The following ARFIP1 variants were observed in gnomAD, a reference collection of about 807,000 sequenced individuals.
ARFIP1 encodes the protein ARF interacting protein 1.
Under a neutral mutation model 42.5 loss-of-function variants are expected in ARFIP1, and 24 were observed. That is an observed-to-expected ratio of 0.57 (90% CI 0.41 to 0.80). The LOEUF (loss-of-function observed/expected upper bound fraction) is 0.80. ARFIP1 is among the 30% of genes least tolerant of loss of function. ARFIP1 has a pLI of 0.00. For missense variants in ARFIP1, 354 were observed against 434.0 expected, an observed-to-expected ratio of 0.82 and a Z score of 1.64; for synonymous variants, 141 against 153.7, an observed-to-expected ratio of 0.92 and a Z score of 0.61.
rs191958992 is a variant in ARFIP1, at chr4:152,823,861, C to A, written c.-9-5764C>A. Among the ~76,000 whole-genome samples, 9 of 151,260 alleles carry A rather than the reference C, an allele frequency of 6.0e-5. No homozygotes were observed. The East Asian group carries it at 1.7e-3, about 29-fold the overall frequency. The stretch of plus-strand genomic sequence containing the variant: ...AAAAACTCGAGAAGGAGGGATTGCT[C>A]CCTAACTCATCTTATGGGGCCAGTA... On this transcript the variant is annotated intron_variant, in intron 1 of 8. Transcript: ENST00000353617.
chr4:152,847,162 ACT>A (rs1270209806), intron 2 of ARFIP1, among the ~76,000 whole-genome samples: 1 of 48,864 alleles, frequency 2.0e-5, no homozygotes, highest in African/African-American at 6.8e-5. Flanking sequence ...ACAGAGTCTC[ACT>A]CTGTCGCCCC....
intron 8 of ARFIP1, among the ~76,000 whole-genome samples, chr4:152,908,667 T>A (rs978882474): frequency 2.0e-5 from 3 of 152,112 alleles, no homozygotes; most frequent in Non-Finnish European, 2.9e-5. Context: ...ATCTTTTTCT[T>A]TATAATTTAT....
chr4:152,854,885 A>G (rs1449630519), intron 2 of ARFIP1, among the ~76,000 whole-genome samples: 1 of 152,168 alleles, frequency 6.6e-6, no homozygotes, highest in African/African-American at 2.4e-5. Flanking sequence ...CCAGGGTGGT[A>G]TATGCCGGCA....
chr4:152,904,198 A>AT (rs36092561), intron 8 of ARFIP1, among the ~76,000 whole-genome samples: 11,693 of 126,326 alleles, frequency 0.093, 629 homozygotes, highest in East Asian at 0.15. Context: ...ATATATATAT[A>AT]TTTTTTTTTT....
intron 2 of ARFIP1, among the ~76,000 whole-genome samples, chr4:152,856,120 A>G (rs943910137): frequency 2.6e-5 from 4 of 152,224 alleles, no homozygotes; most frequent in African/African-American, 9.6e-5. Flanking sequence ...AGGTATCTCT[A>G]TAACTGCTTG....
intron 8 of ARFIP1, among the ~76,000 whole-genome samples, chr4:152,905,545 G>GTTTTTTATTTTTTTTTTTTTTTTT (rs1738254442): frequency 3.3e-5 from 1 of 30,372 alleles, no homozygotes; most frequent in Admixed American, 6.1e-4. Context: ...TGTAAGAATT[G>GTTTTTTATTTTTTTTTTTTTTTTT]TTTTTTTTTT....
intron 2 of ARFIP1, among the ~76,000 whole-genome samples, chr4:152,846,094 A>T (rs567866755): frequency 1.3e-5 from 2 of 152,224 alleles, no homozygotes; most frequent in Non-Finnish European, 2.9e-5. Flanking sequence ...CTGCTGAATT[A>T]ACACAGGAAC....
At chr4:152,798,218 G>A (rs1289547758) in intron 1 of ARFIP1, among the ~76,000 whole-genome samples, 9 of 151,212 alleles carry the variant, frequency 6.0e-5, no homozygotes, top group South Asian at 4.2e-4. Flanking sequence ...AGCCAAGATC[G>A]CGCCACTGCA....
chr4:152,910,196 C>A lies in ARFIP1; in HGVS notation c.1099C>A (p.Pro367Thr), dbSNP rs749340196. 9.9e-6 allele frequency: 16 copies of A among 1,613,278 alleles called. No individual in the cohort carries two copies. The highest frequency in any genetic ancestry group is 1.4e-5 in the Non-Finnish European group (16 of 1,179,796). Reference protein sequence around the residue: ...IKLKTPGVDAPSWLEEQ With the variant: ...IKLKTPGVDATSWLEEQ The stretch of plus-strand genomic sequence containing the variant: ...ATTGAAAACCCCTGGAGTGGATGCC[C>A]CATCTTGGCTTGAAGAACAGTAAAA... Residue 367 changes from proline to threonine, a missense_variant, in exon 9 of 9, where the codon CCA becomes ACA. Physicochemically the swap from Pro to Thr is conservative, Grantham distance 38. Coordinates refer to ENST00000353617, the MANE Select transcript of ARFIP1 (RefSeq NM_001025595.3).
chr4:152,880,058 T>C (rs1235067027), intron 5 of ARFIP1, among the ~76,000 whole-genome samples: 2 of 151,794 alleles, frequency 1.3e-5, no homozygotes, highest in African/African-American at 2.4e-5. Flanking sequence ...TACAGGTTTC[T>C]AGGCTGAGCA....
At chr4:152,785,950 C>T (rs1260044474) in intron 1 of ARFIP1, among the ~76,000 whole-genome samples, 1 of 152,180 alleles carries the variant, frequency 6.6e-6, no homozygotes, top group Admixed American at 6.5e-5. Context: ...TTGGCCAGCC[C>T]TGATAAAACT....
chr4:152,887,957 A>C (rs960362174), intron 7 of ARFIP1, among the ~76,000 whole-genome samples, 176 bp from the exon 8 acceptor site: 2 of 152,086 alleles, frequency 1.3e-5, no homozygotes, highest in South Asian at 2.1e-4. Flanking sequence ...GTTCTTATTT[A>C]AATAGCTCTT....
chr4:152,907,061 C>G (rs1738419974), intron 8 of ARFIP1, among the ~76,000 whole-genome samples: 1 of 152,226 alleles, frequency 6.6e-6, no homozygotes, highest in African/African-American at 2.4e-5. Flanking sequence ...GTATCACCAT[C>G]TAACATACTA....
intron 2 of ARFIP1, among the ~76,000 whole-genome samples, chr4:152,842,237 A>G (rs1172641423): frequency 6.6e-6 from 1 of 152,080 alleles, no homozygotes; most frequent in African/African-American, 2.4e-5. Context: ...ATCCGGATAT[A>G]AACCCAAGCA....
At chr4:152,842,976 G>A (rs986024157) in intron 2 of ARFIP1, among the ~76,000 whole-genome samples, 6 of 152,052 alleles carry the variant, frequency 3.9e-5, no homozygotes, top group African/African-American at 1.4e-4. Flanking sequence ...ATTTTTTGGG[G>A]GGATGTTGAA....
At chr4:152,901,842 T>A (rs1737863201) in intron 8 of ARFIP1, among the ~76,000 whole-genome samples, 1 of 152,232 alleles carries the variant, frequency 6.6e-6, no homozygotes, top group African/African-American at 2.4e-5. Context: ...CTTTTATTTC[T>A]TTCGTCTGCT....
At chr4:152,808,535 T>C (rs2149830634) in intron 1 of ARFIP1, among the ~76,000 whole-genome samples, 1 of 152,010 alleles carries the variant, frequency 6.6e-6, no homozygotes, top group South Asian at 2.1e-4. Flanking sequence ...GATAGTCGTA[T>C]GTTTAACTCA....
chr4:152,808,064 T>G (rs1038388771), intron 1 of ARFIP1, among the ~76,000 whole-genome samples: 1 of 152,120 alleles, frequency 6.6e-6, no homozygotes, highest in African/African-American at 2.4e-5. Context: ...CACTGCAGCC[T>G]CCGCCTCCCA....
chr4:152,897,854 G>C (rs1358572673), intron 8 of ARFIP1, among the ~76,000 whole-genome samples: 2 of 152,008 alleles, frequency 1.3e-5, no homozygotes, highest in Non-Finnish European at 2.9e-5. Flanking sequence ...CTGTGACTTT[G>C]CTATACTTTT....
Sources: allele counts gnomAD v4.1 joint callset (sites outside exome capture counted in the v4.1 genomes callset), GRCh38; gene constraint gnomAD v4.1.1; transcripts MANE v1.5; gene names NCBI Gene and HGNC (gene_info 2026-07-23, HGNC 2026-07-21).